The following PCDH9 variants were observed in gnomAD, a reference collection of about 807,000 sequenced individuals.
The protein encoded by PCDH9 is protocadherin 9.
PCDH9 carries 24 observed loss-of-function variants against 70.6 expected under a neutral mutation model. The observed-to-expected ratio is 0.34, with a 90% confidence interval of 0.25 to 0.48. The LOEUF (loss-of-function observed/expected upper bound fraction) is 0.48, where lower values mean the gene tolerates loss of function less well. PCDH9 is among the 20% of genes least tolerant of loss of function. The probability of loss-of-function intolerance (pLI) is 0.99; values close to 1 mark genes in which losing one functional copy is unlikely to be tolerated. For missense variants in PCDH9, 1,281 were observed against 1,503.6 expected (o/e 0.85, Z 2.45); for synonymous variants, 562 against 558.5 (o/e 1.01, Z -0.09).
chr13:66,490,016 A>C (rs1959007167), intron 4 of PCDH9, among the ~76,000 whole-genome samples: 1 of 152,188 alleles, frequency 6.6e-6, no homozygotes, highest in African/African-American at 2.4e-5. Flanking sequence ...GTTCTAGGGT[A>C]CATGTGCACA....
At chr13:67,171,048 G>T (rs1004313331) in intron 2 of PCDH9, among the ~76,000 whole-genome samples, 1 of 152,070 alleles carries the variant, frequency 6.6e-6, no homozygotes, top group African/African-American at 2.4e-5. Context: ...ATAAAGTTTG[G>T]CAACTCCTGG....
chr13:66,587,543 A>C (rs1376121667), intron 4 of PCDH9, among the ~76,000 whole-genome samples: 2 of 152,136 alleles, frequency 1.3e-5, no homozygotes, highest in Non-Finnish European at 2.9e-5. Context: ...TCATCACTAC[A>C]TGCTTCCAGC....
chr13:66,585,902 T>C (rs2076956211), intron 4 of PCDH9, among the ~76,000 whole-genome samples: 1 of 152,164 alleles, frequency 6.6e-6, no homozygotes, highest in Non-Finnish European at 1.5e-5. Context: ...AAGTGGTCTT[T>C]TGTGGTCAAC....
At chr13:67,073,212 T>C (rs1486467627) in intron 2 of PCDH9, among the ~76,000 whole-genome samples, 4 of 152,138 alleles carry the variant, frequency 2.6e-5, no homozygotes, top group African/African-American at 9.6e-5. Flanking sequence ...CTTATGCAAA[T>C]GGTCTGGGAA....
chr13:66,326,097 C>T (rs1955838153), intron 4 of PCDH9, among the ~76,000 whole-genome samples: 1 of 152,136 alleles, frequency 6.6e-6, no homozygotes. Context: ...CCTCTGGCTT[C>T]TCACATTTTT....
chr13:67,087,087 TAAAA>T (rs36017495), intron 2 of PCDH9, among the ~76,000 whole-genome samples: 1 of 123,780 alleles, frequency 8.1e-6, no homozygotes, highest in Non-Finnish European at 1.7e-5. Flanking sequence ...TGATGTTTTG[TAAAA>T]AAAAAAAAAA....
rs145256245 is a variant in PCDH9, at chr13:67,140,803, T to C, written c.3036+84602A>G. Among the ~76,000 whole-genome samples the C allele has an allele frequency of 4.0e-3, 606 of 152,340 alleles. 3 individuals are homozygous for C. Among genetic ancestry groups the C allele is most frequent in the Admixed American group, 9.9e-3 (152 of 15,308 alleles). On this transcript the variant is annotated intron_variant, in intron 2 of 4. Transcript: ENST00000377865. ...GGCATGCCCTGGCCACTATGAGCCA[T>C]GTGCAGCACATTTCTCTCATCATCT...
At chr13:66,710,092 T>A (rs2078772314) in intron 3 of PCDH9, among the ~76,000 whole-genome samples, 1 of 152,176 alleles carries the variant, frequency 6.6e-6, no homozygotes, top group South Asian at 2.1e-4. Context: ...ATCATCATTT[T>A]ACTTGACATT....
At chr13:66,485,589 T>G (rs950860811) in intron 4 of PCDH9, among the ~76,000 whole-genome samples, 1 of 151,972 alleles carries the variant, frequency 6.6e-6, no homozygotes, top group Admixed American at 6.6e-5. Context: ...TGTGTACATA[T>G]GCATATGACA....
intron 2 of PCDH9, among the ~76,000 whole-genome samples, chr13:67,076,111 A>G (rs920605782): frequency 2.0e-5 from 3 of 152,174 alleles, no homozygotes; most frequent in African/African-American, 7.2e-5. Context: ...GATTAGTATG[A>G]TCACCAAATA....
chr13:66,547,385 T>A (rs892799653), intron 4 of PCDH9, among the ~76,000 whole-genome samples: 4 of 152,158 alleles, frequency 2.6e-5, no homozygotes, highest in Admixed American at 6.5e-5. Context: ...TTTGTTCAAA[T>A]CAACAGAGTC....
intron 4 of PCDH9, among the ~76,000 whole-genome samples, chr13:66,537,292 T>A (rs967814145): frequency 3.9e-5 from 6 of 152,118 alleles, no homozygotes; most frequent in African/African-American, 1.4e-4. Flanking sequence ...TCTTTCAAGA[T>A]ATAAGGTCTG....
intron 4 of PCDH9, among the ~76,000 whole-genome samples, chr13:66,390,786 A>G (rs1957004574): frequency 6.6e-6 from 1 of 152,022 alleles, no homozygotes; most frequent in Non-Finnish European, 1.5e-5. Flanking sequence ...ATTGCCTTAG[A>G]GACTATGGCT....
intron 3 of PCDH9, among the ~76,000 whole-genome samples, chr13:66,875,094 T>A (rs1278064240): frequency 1.3e-5 from 2 of 152,084 alleles, no homozygotes; most frequent in East Asian, 3.9e-4. Context: ...CTAACTAACA[T>A]CTATTGTACC....
In PCDH9 at chr13:67,197,156, G is replaced by T. The variant is rs2089087015; in HGVS notation, c.3036+28249C>A. 1.3e-5 allele frequency among the ~76,000 whole-genome samples: 2 copies of T among 152,002 alleles called. 1 individual carries two copies. Among genetic ancestry groups the T allele is most frequent in the South Asian group, 4.1e-4 (2 of 4,822 alleles). ...TCAAAAGGAGTCTAAATTTAAAATT[G>T]CCACATTCTGTTTGGCTAGCTCTAT... On this transcript the variant is annotated intron_variant, in intron 2 of 4. Transcript: ENST00000377865.
At chr13:67,117,410 A>C (rs1310043933) in intron 2 of PCDH9, among the ~76,000 whole-genome samples, 1 of 152,048 alleles carries the variant, frequency 6.6e-6, no homozygotes, top group Non-Finnish European at 1.5e-5. Flanking sequence ...TGCATATCCA[A>C]GTGGAAGTAA....
At chr13:66,929,997 A>AT (rs887130234) in intron 2 of PCDH9, among the ~76,000 whole-genome samples, 8 of 152,134 alleles carry the variant, frequency 5.3e-5, no homozygotes, top group African/African-American at 1.7e-4. Context: ...TAAACAGAGA[A>AT]TTTTATCTCT....
At chr13:66,783,547 G>A (rs1015580948) in intron 3 of PCDH9, among the ~76,000 whole-genome samples, 5 of 152,096 alleles carry the variant, frequency 3.3e-5, no homozygotes, top group Non-Finnish European at 5.9e-5. Flanking sequence ...CCAATACATA[G>A]TCTCCTACCA....
chr13:66,723,004 A>T (rs1283522339), intron 3 of PCDH9, among the ~76,000 whole-genome samples: 1 of 152,006 alleles, frequency 6.6e-6, no homozygotes, highest in African/African-American at 2.4e-5. Context: ...TAAACAATGA[A>T]AAGACTTTTA....
Sources: allele counts gnomAD v4.1 joint callset (sites outside exome capture counted in the v4.1 genomes callset), GRCh38; gene constraint gnomAD v4.1.1; transcripts MANE v1.5; gene names NCBI Gene and HGNC (gene_info 2026-07-23, HGNC 2026-07-21).